TMEM234: variants seen among roughly 807,000 people sequenced by gnomAD.
TMEM234 encodes chromosome 1 open reading frame 91.
In TMEM234, 21 loss-of-function variants were observed where a neutral mutation model predicts 17.8. That is an observed-to-expected ratio of 1.18 (90% CI 0.84 to 1.70). TMEM234 has a LOEUF of 1.70. Among genes scored for constraint, TMEM234 ranks in the 40% most tolerant of loss-of-function variants. The pLI, the probability that TMEM234 is intolerant of heterozygous loss-of-function variation, is 0.00. For synonymous variants in TMEM234, 83 were observed against 73.5 expected, an observed-to-expected ratio of 1.13 and a Z score of -0.66; for missense variants, 137 against 166.9, an observed-to-expected ratio of 0.82 and a Z score of 0.99.
downstream of TMEM234, chr1:32,215,843 C>T (rs1172214137): frequency 1.3e-6 from 2 of 1,553,088 alleles, no homozygotes; most frequent in Admixed American, 3.9e-5. Context: ...CCCTGGAAAA[C>T]CAGCCTGGGG....
At chr1:32,219,728 T>C (rs1157000735) in intron 3 of TMEM234, among the ~76,000 whole-genome samples, 1 of 152,154 alleles carries the variant, frequency 6.6e-6, no homozygotes. Flanking sequence ...GCTGCTAAGG[T>C]CTGGTTTGCA....
intron 3 of TMEM234, among the ~76,000 whole-genome samples, chr1:32,218,577 C>A (rs1016765795): frequency 1.8e-4 from 27 of 152,054 alleles, no homozygotes; most frequent in African/African-American, 6.5e-4. Context: ...CTGAGACGGG[C>A]GGATCACCTG....
Position 32,216,854 on chromosome 1 carries a change from C to A in TMEM234, c.422G>T (p.Ter141LeuextTer18). ...GAGCTGGAAGTGGGTTCGGCCCACT[C>A]AAAGGGTAGACTGTTGCCCCTGGGT... ...SKTQGQQSTL[*>L] is the part of the protein sequence containing the mutation. Residue 141 changes from the stop codon to leucine, a stop_lost, in exon 5 of 5, where the codon TGA becomes TTA. Transcript: ENST00000309777. 6.2e-7 allele frequency: 1 copy of A among 1,614,134 alleles called. No homozygotes were observed. Among genetic ancestry groups the A allele is most frequent in the South Asian group, 1.1e-5 (1 of 91,052 alleles).
chr1:32,218,067 G>A (rs1638572897), intron 3 of TMEM234, among the ~76,000 whole-genome samples: 1 of 152,220 alleles, frequency 6.6e-6, no homozygotes, highest in African/African-American at 2.4e-5. Flanking sequence ...TCATAGCCCA[G>A]GATCTGTTCC....
At chr1:32,215,485 C>T (rs775191406), downstream of TMEM234, 19 of 1,613,366 alleles carry the variant, frequency 1.2e-5, no homozygotes, top group South Asian at 1.2e-4. Flanking sequence ...AAGGAGACAG[C>T]GGGGGCCCTG....
At chr1:32,215,877 G>GC (rs1236412525), downstream of TMEM234, 23 of 1,551,938 alleles carry the variant, frequency 1.5e-5, no homozygotes, top group Non-Finnish European at 2.0e-5. Flanking sequence ...CTCAGCCTCA[G>GC]CCCCAGCTCT....
chr1:32,219,112 C>CAAAAAAA (rs59104994), intron 3 of TMEM234, among the ~76,000 whole-genome samples: 26 of 71,818 alleles, frequency 3.6e-4, no homozygotes, highest in African/African-American at 1.2e-3. Context: ...AATGCCGTCT[C>CAAAAAAA]AAAAAAAAAA....
rs965152190 is a variant in TMEM234 at position 32,216,447 on chromosome 1, C to G, written c.*406G>C. 1.3e-6 allele frequency: 2 copies of G among 1,551,696 alleles called. No homozygotes were observed. Among genetic ancestry groups the G allele is most frequent in the East Asian group, 2.4e-5 (1 of 40,926 alleles). The stretch of plus-strand genomic sequence containing the variant: ...CTCTGACTGAGTCCCAGAGGCCTCC[C>G]GTTTGCATTTCTGGCTCAAAGTCTG... On this transcript the variant is annotated 3_prime_UTR_variant, in exon 5 of 5. Transcript: ENST00000309777.
In TMEM234 at chr1:32,216,442, C is replaced by G; in HGVS notation, c.*411G>C. 1.9e-6 allele frequency: 3 copies of G among 1,551,714 alleles called. No individual in the cohort carries two copies. The highest frequency in any genetic ancestry group is 2.6e-6 in the Non-Finnish European group (3 of 1,147,010). On this transcript the variant is annotated 3_prime_UTR_variant, in exon 5 of 5. Coordinates refer to ENST00000309777, the MANE Select transcript of TMEM234 (RefSeq NM_019118.5). ...AAGCGCTCTGACTGAGTCCCAGAGGCCTCCCGTTTGCATTTCTGGCTCAAA... is the reference window on the plus strand; with the variant it reads ...AAGCGCTCTGACTGAGTCCCAGAGGGCTCCCGTTTGCATTTCTGGCTCAAA...
At chr1:32,222,126 C>T (rs1638979248) in intron 1 of TMEM234, 108 bp from the exon 2 acceptor site, 2 of 1,503,172 alleles carry the variant, frequency 1.3e-6, no homozygotes, top group African/African-American at 2.8e-5. Context: ...CCCTCCTTCG[C>T]TCTCTTCGCC....
chr1:32,216,693 T>C lies in TMEM234; in HGVS notation c.*160A>G. On this transcript the variant is annotated 3_prime_UTR_variant, in exon 5 of 5. Coordinates refer to ENST00000309777, the MANE Select transcript of TMEM234 (RefSeq NM_019118.5). ...TGAAGGTTACAAAACTCTTTCACTCTTGTTCTCTTATTGTGATCCATGAGG... is the reference window on the plus strand; with the variant it reads ...TGAAGGTTACAAAACTCTTTCACTCCTGTTCTCTTATTGTGATCCATGAGG... 1.3e-6 allele frequency: 2 copies of C among 1,494,436 alleles called. No individual in the cohort carries two copies. The highest frequency in any genetic ancestry group is 2.7e-5 in the South Asian group (2 of 74,706). 92.6% of individuals were successfully genotyped at this position (1,494,436 alleles called of 1,614,324 possible).
chr1:32,216,722 C>G lies in TMEM234; in HGVS notation c.*131G>C. ...TCTCTTATTGTGATCCATGAGGTAG[C>G]TGTTATCCCCATAAGAGAGGAGGAA... is the stretch of plus-strand genomic sequence containing the variant. On this transcript the variant is annotated 3_prime_UTR_variant, in exon 5 of 5. Coordinates refer to ENST00000309777, the MANE Select transcript of TMEM234 (RefSeq NM_019118.5). 1 of 1,505,586 alleles carries G rather than the reference C, an allele frequency of 6.6e-7. No homozygotes were observed. Among genetic ancestry groups the G allele is most frequent in the Non-Finnish European group, 8.9e-7 (1 of 1,122,952 alleles). 93.3% of individuals were successfully genotyped at this position (1,505,586 alleles called of 1,614,324 possible).
At position 32,216,259 on chromosome 1, in the gene TMEM234, G is replaced by T; in HGVS notation, c.*594C>A. On this transcript the variant is annotated 3_prime_UTR_variant, in exon 5 of 5. Coordinates refer to ENST00000309777, the MANE Select transcript of TMEM234 (RefSeq NM_019118.5). ...CGCCAGGTGTGCTGGAGTCAGGTGG[G>T]GCTGGGGCTCACAGCTCTCTACCTG... 2 of 1,434,666 alleles carry T rather than the reference G, an allele frequency of 1.4e-6. No individual in the cohort carries two copies. Among genetic ancestry groups the T allele is most frequent in the Non-Finnish European group, 1.9e-6 (2 of 1,079,188 alleles). 88.9% of individuals were successfully genotyped at this position (1,434,666 alleles called of 1,614,324 possible). A position where few individuals can be genotyped will look rare whatever the true frequency, so the allele number is the denominator to read the frequency against.
At position 32,216,517 on chromosome 1, in the gene TMEM234, C is replaced by A; in HGVS notation, c.*336G>T. ...AGCTGGAGTTCTGCAGTCCATGGAA[C>A]CTGCCACCATGATAGTCCAGATCAG... is the stretch of plus-strand genomic sequence containing the variant. On this transcript the variant is annotated 3_prime_UTR_variant, in exon 5 of 5. Transcript: ENST00000309777. The A allele has an allele frequency of 6.4e-7, 1 of 1,551,750 alleles. No homozygotes were observed. Among genetic ancestry groups the A allele is most frequent in the African/African-American group, 1.4e-5 (1 of 73,172 alleles).
chr1:32,221,827 G>T, intron 2 of TMEM234, 40 bp downstream of exon 2: 1 of 1,606,432 alleles, frequency 6.2e-7, no homozygotes, highest in South Asian at 1.1e-5. Flanking sequence ...AATTCTTGGC[G>T]GCAACTCCAC....
downstream of TMEM234, chr1:32,215,147 T>A: frequency 1.5e-6 from 1 of 653,774 alleles, no homozygotes; most frequent in South Asian, 2.3e-5. Context: ...TCATCATAAC[T>A]GTCTCCAGCT....
intron 2 of TMEM234, 94 bp downstream of exon 2, chr1:32,221,773 G>T: frequency 1.3e-6 from 2 of 1,522,964 alleles, no homozygotes; most frequent in Non-Finnish European, 1.8e-6. Context: ...TTTCTAGTGA[G>T]TAAGTGGTGG....
chr1:32,218,071 C>G (rs995405948), intron 3 of TMEM234, among the ~76,000 whole-genome samples: 2 of 152,222 alleles, frequency 1.3e-5, no homozygotes, highest in African/African-American at 4.8e-5. Context: ...AGCCCAGGAT[C>G]TGTTCCTTAA....
chr1:32,217,553 C>G (rs1638512707), intron 3 of TMEM234: 6 of 1,226,640 alleles, frequency 4.9e-6, no homozygotes, highest in African/African-American at 1.5e-5. Context: ...GCATGAAGAC[C>G]TGAACTCTGA....
Sources: allele counts gnomAD v4.1 joint callset (sites outside exome capture counted in the v4.1 genomes callset), GRCh38; gene constraint gnomAD v4.1.1; transcripts MANE v1.5; gene names NCBI Gene and HGNC (gene_info 2026-07-23, HGNC 2026-07-21).